Variants in PAK5 observed in about 807,000 individuals in gnomAD.
The protein encoded by PAK5 is p21 (RAC1) activated kinase 5.
Under a neutral mutation model 65.9 loss-of-function variants are expected in PAK5, and 16 were observed. That is an observed-to-expected ratio of 0.24 (90% CI 0.16 to 0.37). PAK5 has a LOEUF of 0.37. Among genes scored for constraint, PAK5 ranks in the 10% least tolerant of loss-of-function variants. The pLI is 1.00. For synonymous variants in PAK5, 371 were observed against 354.9 expected (o/e 1.05, Z -0.51); for missense variants, 785 against 903.9 (o/e 0.87, Z 1.69).
rs772481025 is a variant in PAK5 at position 9,566,141 on chromosome 20, G to A, written c.1234C>T (p.Pro412Ser). 1.9e-6 allele frequency: 3 copies of A among 1,613,956 alleles called. No individual in the cohort carries two copies. Among genetic ancestry groups the A allele is most frequent in the East Asian group, 2.2e-5 (1 of 44,844 alleles). Residue 412 changes from proline (P) to serine (S), a missense_variant, in exon 5 of 10, where the codon CCG becomes TCG. This residue lies in a region of PAK5 where 422 missense variants were observed against 413.3 expected (regional missense o/e 1.02). Coordinates refer to ENST00000353224, the MANE Select transcript of PAK5 (RefSeq NM_177990.4). Reference sequence around the variant, plus strand: ...GAGGAGGAGCCCCAGCTGGGCGGCGGGTAGGTGCTGGATGAGAGGCTGAGG... The same window carrying A: ...GAGGAGGAGCCCCAGCTGGGCGGCGAGTAGGTGCTGGATGAGAGGCTGAGG... ...SSLSLSSSTY[P>S]PPSWGSSSDQ...
intron 2 of PAK5, among the ~76,000 whole-genome samples, chr20:9,677,003 T>C (rs143201659): frequency 6.0e-4 from 91 of 152,002 alleles, no homozygotes; most frequent in African/African-American, 2.1e-3. Flanking sequence ...AATAAATATG[T>C]TTTCCTGAAA....
chr20:9,657,183 T>A (rs112198366), intron 2 of PAK5, among the ~76,000 whole-genome samples: 16 of 152,288 alleles, frequency 1.1e-4, no homozygotes, highest in African/African-American at 3.1e-4. Context: ...CAACCTGTAA[T>A]CTGTTTTCTA....
intron 1 of PAK5, among the ~76,000 whole-genome samples, chr20:9,832,609 A>G (rs1978816249): frequency 6.6e-6 from 1 of 152,114 alleles, no homozygotes; most frequent in Admixed American, 6.5e-5. Flanking sequence ...TCTCTGTAGG[A>G]AGCTTGTATT....
intron 2 of PAK5, among the ~76,000 whole-genome samples, chr20:9,655,352 C>T (rs1370191599): frequency 2.0e-5 from 3 of 151,994 alleles, no homozygotes; most frequent in Non-Finnish European, 4.4e-5. Flanking sequence ...TCCCTGCACA[C>T]ATCCTGATTT....
intron 3 of PAK5, among the ~76,000 whole-genome samples, chr20:9,589,081 C>T (rs1165924578): frequency 6.6e-6 from 1 of 152,218 alleles, no homozygotes; most frequent in Non-Finnish European, 1.5e-5. Flanking sequence ...TAGGACCTCA[C>T]ATCTCTTTTT....
chr20:9,812,074 G>T (rs2049303976), intron 1 of PAK5, among the ~76,000 whole-genome samples: 1 of 152,050 alleles, frequency 6.6e-6, no homozygotes, highest in Non-Finnish European at 1.5e-5. Flanking sequence ...TATTTCCTAG[G>T]GGATCACCTT....
rs943687423 is a variant in PAK5 at position 9,539,266 on chromosome 20, C to A, written c.*196G>T. ...AAAGCCGTGCTCCAAGTGACCACAC[C>A]GGCTGTCAGTGGAGAGATGCCTGTT... On this transcript the variant is annotated 3_prime_UTR_variant, in exon 10 of 10. Coordinates refer to ENST00000353224, the MANE Select transcript of PAK5 (RefSeq NM_177990.4). The A allele has an allele frequency of 5.4e-6, 3 of 556,854 alleles. No homozygotes were observed. Among genetic ancestry groups the A allele is most frequent in the Non-Finnish European group, 9.7e-6 (3 of 308,398 alleles). 34.5% of individuals were successfully genotyped at this position (556,854 alleles called of 1,614,324 possible). A position where few individuals can be genotyped will look rare whatever the true frequency, so the allele number is the denominator to read the frequency against.
intron 3 of PAK5, among the ~76,000 whole-genome samples, chr20:9,597,825 C>T (rs1422444745): frequency 2.0e-5 from 3 of 152,194 alleles, no homozygotes; most frequent in South Asian, 2.1e-4. Flanking sequence ...CAGCTGAGGC[C>T]ATGCTAGGCC....
intron 3 of PAK5, among the ~76,000 whole-genome samples, chr20:9,631,808 C>T (rs752090167): frequency 6.6e-6 from 1 of 152,162 alleles, no homozygotes; most frequent in African/African-American, 2.4e-5. Flanking sequence ...ATTAACCTTA[C>T]AGGTAACAGT....
chr20:9,744,008 G>C (rs994249023), intron 1 of PAK5, among the ~76,000 whole-genome samples: 1 of 152,208 alleles, frequency 6.6e-6, no homozygotes, highest in African/African-American at 2.4e-5. Context: ...AATGTGAAGA[G>C]AGGGATTTGA....
intron 2 of PAK5, among the ~76,000 whole-genome samples, chr20:9,671,300 A>G (rs1270972049): frequency 4.6e-5 from 7 of 152,140 alleles, no homozygotes; most frequent in Non-Finnish European, 8.8e-5. Flanking sequence ...GTTTTTTCCA[A>G]TTCTGTGAAG....
Position 9,635,634 on chromosome 20 carries a change from C to G in PAK5, c.204+8491G>C, listed in dbSNP as rs796356847. ...TCCATTGTTACCTCTTAGAAGTGCCCTGATGTTCATCCAGATGAGAACTTA... is the reference window on the plus strand; with the variant it reads ...TCCATTGTTACCTCTTAGAAGTGCCGTGATGTTCATCCAGATGAGAACTTA... On this transcript the variant is annotated intron_variant, in intron 3 of 9. Coordinates refer to ENST00000353224, the MANE Select transcript of PAK5 (RefSeq NM_177990.4). Among the ~76,000 whole-genome samples, 179 of 152,182 alleles carry G rather than the reference C, an allele frequency of 1.2e-3. 1 individual carries two copies. Among genetic ancestry groups the G allele is most frequent in the African/African-American group, 4.2e-3 (175 of 41,514 alleles).
In PAK5 at chr20:9,786,698, G is replaced by T. The variant is rs117521641; in HGVS notation, c.-162+52064C>A. 4.9e-3 allele frequency among the ~76,000 whole-genome samples: 741 copies of T among 152,188 alleles called. 3 individuals are homozygous for T. Among genetic ancestry groups the T allele is most frequent in the Middle Eastern group, 0.01 (3 of 294 alleles). Reference sequence around the variant, plus strand: ...AGATACACCTATATAATTGATATGTGGATAAGAGGACATGGTAATCTGTTT... The same window carrying T: ...AGATACACCTATATAATTGATATGTTGATAAGAGGACATGGTAATCTGTTT... On this transcript the variant is annotated intron_variant, in intron 1 of 9. Coordinates refer to ENST00000353224, the MANE Select transcript of PAK5 (RefSeq NM_177990.4).
intron 1 of PAK5, among the ~76,000 whole-genome samples, chr20:9,719,376 T>C (rs1398838062): frequency 6.6e-6 from 1 of 152,130 alleles, no homozygotes; most frequent in Non-Finnish European, 1.5e-5. Flanking sequence ...TCTTTTCAGG[T>C]AATAATAAAA....
intron 1 of PAK5, among the ~76,000 whole-genome samples, chr20:9,778,730 G>C (rs1384147307): frequency 6.6e-6 from 1 of 152,108 alleles, no homozygotes; most frequent in African/African-American, 2.4e-5. Flanking sequence ...TGATATGTTG[G>C]TCTATTCCTG....
intron 1 of PAK5, among the ~76,000 whole-genome samples, chr20:9,715,560 G>C (rs1184425851): frequency 3.3e-5 from 5 of 152,042 alleles, no homozygotes; most frequent in Non-Finnish European, 7.3e-5. Flanking sequence ...ATACCCAAAG[G>C]ATTATAAATC....
chr20:9,695,535 A>C (rs1363023181), intron 2 of PAK5, among the ~76,000 whole-genome samples: 1 of 152,096 alleles, frequency 6.6e-6, no homozygotes, highest in Non-Finnish European at 1.5e-5. Context: ...AAAAAGGGAA[A>C]TGCAGTGACC....
At chr20:9,715,118 A>C (rs894106097) in intron 1 of PAK5, among the ~76,000 whole-genome samples, 8 of 152,214 alleles carry the variant, frequency 5.3e-5, no homozygotes, top group Non-Finnish European at 7.3e-5. Flanking sequence ...AACCTACAGA[A>C]TCGGAGAAAA....
At chr20:9,560,217 TG>T (rs1194562411) in intron 6 of PAK5, among the ~76,000 whole-genome samples, 1 of 152,208 alleles carries the variant, frequency 6.6e-6, no homozygotes, top group Non-Finnish European at 1.5e-5. Flanking sequence ...CATGGCCAGC[TG>T]GAGAATCGTT....
Sources: gnomAD v4.1 joint callset for allele counts (sites outside exome capture counted in the v4.1 genomes callset) on GRCh38, gnomAD v4.1.1 for gene constraint, gnomAD v4.1.1 regional missense constraint, MANE v1.5 for transcripts, NCBI Gene and HGNC (gene_info 2026-07-23, HGNC 2026-07-21) for gene names.